The following ADGRA2 variants were observed in gnomAD, a reference collection of about 807,000 sequenced individuals.
ADGRA2 encodes the protein adhesion G protein-coupled receptor A2.
ADGRA2 carries 61 observed loss-of-function variants against 98.7 expected under a neutral mutation model. The ratio of observed to expected loss-of-function variants is 0.62; its 90% CI spans 0.50 to 0.76. The LOEUF is 0.76. ADGRA2 is among the 30% of genes least tolerant of loss of function. The pLI, the probability that ADGRA2 is intolerant of heterozygous loss-of-function variation, is 0.00. For synonymous variants in ADGRA2, 858 were observed against 831.5 expected (o/e 1.03, Z -0.55); for missense variants, 1,712 against 1,860.0 (o/e 0.92, Z 1.46).
At chr8:37,804,914 A>T (rs527672850) in intron 1 of ADGRA2, among the ~76,000 whole-genome samples, 1 of 152,390 alleles carries the variant, frequency 6.6e-6, no homozygotes, top group East Asian at 1.9e-4. Flanking sequence ...ATTTGAAATC[A>T]GTCTGACCCA....
rs917967564 is a variant in ADGRA2 at position 37,837,664 on chromosome 8, G to A, written c.2051-67G>A. The A allele has an allele frequency of 2.3e-5, 31 of 1,338,062 alleles. No individual in the cohort carries two copies. The African/African-American group carries it at 3.8e-4, about 16-fold the overall frequency. The allele number at this position is 1,338,062 out of a possible 1,614,324, so 82.9% of individuals were successfully genotyped here. ...ACCCTGTCACTGCTGCTGCTGCTGA[G>A]TCCCGGCTGAGCCCACCTCCCTGAC... On this transcript the variant is annotated intron_variant, in intron 13 of 18. Transcript: ENST00000412232.
At chr8:37,839,454 G>A (rs1805724654) in intron 15 of ADGRA2, 45 bp from the exon 16 acceptor site, 1 of 1,610,990 alleles carries the variant, frequency 6.2e-7, no homozygotes, top group Non-Finnish European at 8.5e-7. Flanking sequence ...CCATGGGCCT[G>A]ACCTTGGGTT....
chr8:37,811,723 G>A (rs1337330225), intron 1 of ADGRA2, among the ~76,000 whole-genome samples: 1 of 151,372 alleles, frequency 6.6e-6, no homozygotes. Flanking sequence ...TGATCTGCCC[G>A]CCTCAGCCTC....
chr8:37,833,703 T>A lies in ADGRA2; in HGVS notation c.1312T>A (p.Ser438Thr), dbSNP rs143801865. The A allele has an allele frequency of 3.1e-6, 5 of 1,613,922 alleles. No individual in the cohort carries two copies. The highest frequency in any genetic ancestry group is 4.2e-6 in the Non-Finnish European group (5 of 1,179,974). ...YTFVLMPINA[S>T]NALTLAHQLR... ...CAATCCCCAGATGCCCATCAATGCC[T>A]CCAATGCGCTGACCCTGGCTCACCA... Residue 438 changes from serine (S) to threonine (T), a missense_variant, in exon 10 of 19, where the codon TCC (serine) becomes ACC (threonine). By Grantham distance (58) the Ser-to-Thr change is moderately conservative. Coordinates refer to ENST00000412232, the MANE Select transcript of ADGRA2 (RefSeq NM_032777.10).
Position 37,834,107 on chromosome 8 carries a change from C to G in ADGRA2, c.1587C>G (p.Pro529=). 1 of 1,611,888 alleles carries G rather than the reference C, an allele frequency of 6.2e-7. No homozygotes were observed. Among genetic ancestry groups the G allele is most frequent in the East Asian group, 2.2e-5 (1 of 44,870 alleles). ...LERIGGAALS[P]HAQHISVNAR... Reference sequence around the variant, plus strand: ...GCATTGGGGGGGCCGCCCTCAGCCCCCATGCCCAGCACATCTCAGTGGTAA... The same window carrying G: ...GCATTGGGGGGGCCGCCCTCAGCCCGCATGCCCAGCACATCTCAGTGGTAA... Residue 529 remains proline (P), a synonymous_variant, in exon 11 of 19, where the codon CCC becomes CCG. Coordinates refer to ENST00000412232, the MANE Select transcript of ADGRA2 (RefSeq NM_032777.10). This position sits in a 1 kb window ranked among gnomAD's most constrained non-coding sequence, Gnocchi z 4.2.
intron 1 of ADGRA2, among the ~76,000 whole-genome samples, chr8:37,799,055 C>T (rs999084564): frequency 2.0e-5 from 3 of 152,152 alleles, no homozygotes; most frequent in South Asian, 4.1e-4. Flanking sequence ...CAGTCGGTAG[C>T]GTCTGCGTGA....
rs147834043 is a variant in ADGRA2 at position 37,822,384 on chromosome 8, T to TACAC, written c.339-6482_339-6479dup. Among the ~76,000 whole-genome samples, 114 of 147,206 alleles carry TACAC rather than the reference T, an allele frequency of 7.7e-4. No homozygotes were observed. In the East Asian group the frequency reaches 0.018, roughly 23 times the overall value. On this transcript the variant is annotated intron_variant, in intron 2 of 18. Transcript: ENST00000412232. ...CGGCCCCACCCTGCCTGTATGTGGG[T>TACAC]ACACACACACACACACACACACACA...
At chr8:37,801,849 A>T (rs1804515990) in intron 1 of ADGRA2, among the ~76,000 whole-genome samples, 1 of 152,216 alleles carries the variant, frequency 6.6e-6, no homozygotes, top group African/African-American at 2.4e-5. Context: ...GGGACCCATT[A>T]GACACAAAAG....
intron 1 of ADGRA2, among the ~76,000 whole-genome samples, chr8:37,806,384 A>AC (rs954756077): frequency 3.3e-5 from 5 of 151,652 alleles, no homozygotes; most frequent in African/African-American, 1.2e-4. Flanking sequence ...GGATGCTGTG[A>AC]CCCCCAAATC....
chr8:37,826,786 T>A (rs1375506219), intron 2 of ADGRA2, among the ~76,000 whole-genome samples: 3 of 152,148 alleles, frequency 2.0e-5, no homozygotes, highest in East Asian at 3.9e-4. Context: ...GAGACGTTGA[T>A]GAGGTTGTGG....
chr8:37,800,281 A>AC (rs1385019608), intron 1 of ADGRA2, among the ~76,000 whole-genome samples: 2 of 152,158 alleles, frequency 1.3e-5, no homozygotes, highest in Non-Finnish European at 2.9e-5. Context: ...GGGAGGTGGG[A>AC]GGTGGCTGGC....
chr8:37,816,453 C>T, intron 2 of ADGRA2, among the ~76,000 whole-genome samples: 1 of 151,366 alleles, frequency 6.6e-6, no homozygotes, highest in Non-Finnish European at 1.5e-5. Flanking sequence ...ATTAGCTGGG[C>T]ATGGTGCTGC....
intron 14 of ADGRA2, 71 bp downstream of exon 14, chr8:37,838,010 A>C: frequency 8.2e-7 from 1 of 1,220,502 alleles, no homozygotes; most frequent in Non-Finnish European, 1.1e-6. Context: ...GGGTGGGTGT[A>C]CTCTGACCAT....
intron 14 of ADGRA2, 31 bp downstream of exon 14, chr8:37,837,970 G>A (rs1227383763): frequency 1.4e-6 from 2 of 1,437,662 alleles, no homozygotes; most frequent in East Asian, 2.5e-5. Context: ...CAAGTCGGGG[G>A]GGCAGGGACA....
At chr8:37,816,514 C>T (rs1400852591) in intron 2 of ADGRA2, among the ~76,000 whole-genome samples, 1 of 150,554 alleles carries the variant, frequency 6.6e-6, no homozygotes. Flanking sequence ...ATCTCTTGAA[C>T]CTGGGAAGCC....
rs764371634 is a variant in ADGRA2, at chr8:37,841,752, C to T, written c.3414C>T (p.Asn1138=). ...CTCTGGGCCCCTGCAAGCTCACCAA[C>T]CTGCAGCTGGCCCAGAGTCAGGTGT... The part of the protein sequence containing the change: ...PLALGPCKLT[N]LQLAQSQVCE... The change falls in exon 19 of 19, where the codon AAC becomes AAT. Residue 1138 remains asparagine (N), a synonymous_variant. Transcript: ENST00000412232. The surrounding 1 kb of genome is among the most constrained non-coding windows in gnomAD (Gnocchi z 5.0). The T allele has an allele frequency of 3.1e-5, 47 of 1,540,504 alleles. No individual in the cohort carries two copies. The African/African-American group carries it at 5.8e-4, about 19-fold the overall frequency.
Position 37,840,856 on chromosome 8 carries a change from A to AGGCG in ADGRA2, c.2747+7_2747+8insGGCG. On this transcript the variant is annotated splice_region_variant and intron_variant, in intron 18 of 18. Coordinates refer to ENST00000412232, the MANE Select transcript of ADGRA2 (RefSeq NM_032777.10). ...ACCGGGACCACAGCCCCTAGTGAGC[A>AGGCG]CCCCTCCCTCCCGCCCCAAGCCTAC... The AGGCG allele has an allele frequency of 6.7e-7, 1 of 1,483,350 alleles. No individual in the cohort carries two copies. The highest frequency in any genetic ancestry group is 9.4e-7 in the Non-Finnish European group (1 of 1,067,526). 91.9% of individuals were successfully genotyped at this position (1,483,350 alleles called of 1,614,324 possible).
intron 1 of ADGRA2, among the ~76,000 whole-genome samples, chr8:37,810,959 A>T (rs1238611627): frequency 2.6e-5 from 4 of 151,800 alleles, no homozygotes; most frequent in African/African-American, 4.8e-5. Context: ...TACTAAAAAA[A>T]AAATACAAAA....
At position 37,842,388 on chromosome 8, in the gene ADGRA2, C is replaced by T; in HGVS notation, c.*33C>T. Reference sequence around the variant, plus strand: ...CGGGCGACGCGGTAGACGGGCTGGCCACGCGGCTCGTTCCCCCGCTCCTCG... The same window carrying T: ...CGGGCGACGCGGTAGACGGGCTGGCTACGCGGCTCGTTCCCCCGCTCCTCG... On this transcript the variant is annotated 3_prime_UTR_variant, in exon 19 of 19. Transcript: ENST00000412232. 1 of 1,439,186 alleles carries T rather than the reference C, an allele frequency of 6.9e-7. No individual in the cohort carries two copies. The highest frequency in any genetic ancestry group is 9.1e-7 in the Non-Finnish European group (1 of 1,098,094). 89.2% of individuals were successfully genotyped at this position (1,439,186 alleles called of 1,614,324 possible).
Sources: allele counts gnomAD v4.1 joint callset (sites outside exome capture counted in the v4.1 genomes callset), GRCh38; gene constraint gnomAD v4.1.1; non-coding constraint Gnocchi (gnomAD v3.1); transcripts MANE v1.5; gene names NCBI Gene and HGNC (gene_info 2026-07-23, HGNC 2026-07-21).